The following KCNAB1 variants were observed in gnomAD, a reference collection of about 807,000 sequenced individuals.
KCNAB1 encodes the protein voltage-gated potassium channel subunit beta-1.
In KCNAB1, 35 loss-of-function variants were observed where a neutral mutation model predicts 64.6. That is an observed-to-expected ratio of 0.54 (90% confidence interval 0.41 to 0.72). The LOEUF is 0.72. Among genes scored for constraint, KCNAB1 ranks in the 30% least tolerant of loss-of-function variants. The probability of loss-of-function intolerance (pLI) is 0.00; values close to 1 mark genes in which losing one functional copy is unlikely to be tolerated. For synonymous variants in KCNAB1, 177 were observed against 183.8 expected, an observed-to-expected ratio of 0.96 and a Z score of 0.30; for missense variants, 401 against 512.9, an observed-to-expected ratio of 0.78 and a Z score of 2.11.
At chr3:156,183,821 T>G (rs1713020727) in intron 1 of KCNAB1, among the ~76,000 whole-genome samples, 1 of 152,268 alleles carries the variant, frequency 6.6e-6, no homozygotes, top group African/African-American at 2.4e-5. Flanking sequence ...AGGGTCATTA[T>G]GAGAGTGGCA....
chr3:156,121,126 G>A (rs1713317726), intron 1 of KCNAB1, among the ~76,000 whole-genome samples: 1 of 152,222 alleles, frequency 6.6e-6, no homozygotes, highest in African/African-American at 2.4e-5. Context: ...ATGCTTAGGA[G>A]CTGACAGGAC....
At chr3:156,279,154 C>G (rs561305804) in intron 1 of KCNAB1, among the ~76,000 whole-genome samples, 6 of 146,016 alleles carry the variant, frequency 4.1e-5, no homozygotes, top group Admixed American at 2.1e-4. Flanking sequence ...GTGTGATATT[C>G]CCCTTCCTGT....
At chr3:156,516,139 T>C in intron 10 of KCNAB1, 131 bp from the exon 11 acceptor site, 1 of 614,848 alleles carries the variant, frequency 1.6e-6, no homozygotes, top group Non-Finnish European at 2.9e-6. Context: ...TGCATGCTGA[T>C]ATTAACTCAT....
At chr3:156,184,147 T>C (rs13065597) in intron 1 of KCNAB1, among the ~76,000 whole-genome samples, 26,725 of 152,182 alleles carry the variant, frequency 0.18, 2,536 homozygotes, top group African/African-American at 0.21. Flanking sequence ...TTTTTGTCCC[T>C]CATAGGATCC....
chr3:156,178,847 A>G (rs1391267186), intron 1 of KCNAB1, among the ~76,000 whole-genome samples: 2 of 151,918 alleles, frequency 1.3e-5, no homozygotes, highest in Non-Finnish European at 2.9e-5. Context: ...TAAAAATACA[A>G]AAAATTAGCC....
In KCNAB1 at chr3:156,516,256, T is replaced by C. The variant is rs1717551336; in HGVS notation, c.866-14T>C. On this transcript the variant is annotated splice_polypyrimidine_tract_variant and intron_variant, in intron 10 of 13. Transcript: ENST00000490337. ...AATTTGCACAAGCAACTTTCTAAGTTTTTTCTTCTGTAGGTGTTGGCGCAA... is the reference window on the plus strand; with the variant it reads ...AATTTGCACAAGCAACTTTCTAAGTCTTTTCTTCTGTAGGTGTTGGCGCAA... The C allele has an allele frequency of 6.2e-7, 1 of 1,606,428 alleles. No individual in the cohort carries two copies.
intron 1 of KCNAB1, among the ~76,000 whole-genome samples, chr3:156,231,548 C>CTCCT (rs1189073907): frequency 8.8e-5 from 12 of 135,978 alleles, no homozygotes; most frequent in East Asian, 2.4e-4. Flanking sequence ...CCCTTCTTCC[C>CTCCT]TCCTTCCTTC....
chr3:156,206,040 A>G (rs148645672), intron 1 of KCNAB1, among the ~76,000 whole-genome samples: 32 of 152,248 alleles, frequency 2.1e-4, no homozygotes, highest in Non-Finnish European at 3.4e-4. Context: ...ATCATATTCT[A>G]CCTTCAAGAA....
chr3:156,232,701 A>T (rs540968361), intron 1 of KCNAB1, among the ~76,000 whole-genome samples: 2 of 152,354 alleles, frequency 1.3e-5, no homozygotes, highest in South Asian at 4.1e-4. Flanking sequence ...CCCCAAGTGT[A>T]TAGGAATTTT....
At chr3:156,406,809 G>A (rs190454847) in intron 1 of KCNAB1, among the ~76,000 whole-genome samples, 14 of 152,258 alleles carry the variant, frequency 9.2e-5, no homozygotes, top group Admixed American at 2.0e-4. Context: ...GGGTACAGAC[G>A]GGAAGTAGAG....
rs539557635 is a variant in KCNAB1 at position 156,466,229 on chromosome 3, T to C, written c.571+543T>C. The stretch of plus-strand genomic sequence containing the variant: ...CTGGACATTTCATGTAAATGAGATC[T>C]CATGATATATGATATTTTGTAACTG... On this transcript the variant is annotated intron_variant, in intron 7 of 13. Transcript: ENST00000490337. Among the ~76,000 whole-genome samples, 3 of 152,276 alleles carry C rather than the reference T, an allele frequency of 2.0e-5. No individual in the cohort carries two copies. The East Asian group carries it at 5.8e-4, about 29-fold the overall frequency.
chr3:156,171,427 A>G (rs1236778638), intron 1 of KCNAB1, among the ~76,000 whole-genome samples: 1 of 152,254 alleles, frequency 6.6e-6, no homozygotes, highest in Non-Finnish European at 1.5e-5. Flanking sequence ...TGGAGAAATT[A>G]GCATGAAATA....
At chr3:156,164,382 AT>A (rs1716250383) in intron 1 of KCNAB1, among the ~76,000 whole-genome samples, 1 of 152,064 alleles carries the variant, frequency 6.6e-6, no homozygotes, top group African/African-American at 2.4e-5. Context: ...AGAATTGATC[AT>A]TTTTCCATCA....
intron 2 of KCNAB1, among the ~76,000 whole-genome samples, chr3:156,423,244 A>G (rs1390362243): frequency 5.9e-5 from 9 of 152,216 alleles, no homozygotes; most frequent in Admixed American, 2.6e-4. Flanking sequence ...CCACATATTT[A>G]TACACTTATG....
At chr3:156,176,458 A>G in intron 1 of KCNAB1, 1 of 785,946 alleles carries the variant, frequency 1.3e-6, no homozygotes, top group South Asian at 1.3e-5. Flanking sequence ...CAAAGGAAGT[A>G]TGTCCCTTTA....
chr3:156,514,709 T>C (rs1717439539), intron 9 of KCNAB1, among the ~76,000 whole-genome samples: 1 of 152,270 alleles, frequency 6.6e-6, no homozygotes, highest in Non-Finnish European at 1.5e-5. Flanking sequence ...AACAGAGTAT[T>C]CTAGTTTTCT....
intron 10 of KCNAB1, among the ~76,000 whole-genome samples, chr3:156,515,711 AT>A: frequency 1.3e-5 from 2 of 152,336 alleles, no homozygotes; most frequent in South Asian, 4.1e-4. Flanking sequence ...GACAGGGGAA[AT>A]ATATCTATAT....
chr3:156,283,094 C>T lies in KCNAB1; in HGVS notation c.276-138522C>T, dbSNP rs538731759. Among the ~76,000 whole-genome samples, 517 of 150,864 alleles carry T rather than the reference C, an allele frequency of 3.4e-3. 1 individual carries two copies. Among genetic ancestry groups the T allele is most frequent in the African/African-American group, 9.4e-3 (385 of 40,812 alleles). On this transcript the variant is annotated intron_variant, in intron 1 of 13. Transcript: ENST00000490337. ...TTTACATTTTGGCATGATTTTGCAG[C>T]GGCTGGTACTGGTTGTTCCTTTCCA...
intron 1 of KCNAB1, among the ~76,000 whole-genome samples, chr3:156,254,269 G>A (rs1717979639): frequency 6.6e-6 from 1 of 152,298 alleles, no homozygotes; most frequent in South Asian, 2.1e-4. Flanking sequence ...CCTGCCCTCT[G>A]CAGGTATGCC....
Sources: allele counts gnomAD v4.1 joint callset (sites outside exome capture counted in the v4.1 genomes callset), GRCh38; gene constraint gnomAD v4.1.1; transcripts MANE v1.5; gene names NCBI Gene and HGNC (gene_info 2026-07-23, HGNC 2026-07-21).